The following MEX3C variants were observed in gnomAD, a reference collection of about 807,000 sequenced individuals.
MEX3C encodes RNA-binding E3 ubiquitin-protein ligase MEX3C.
Under a neutral mutation model 35.5 loss-of-function variants are expected in MEX3C, and 15 were observed. The observed-to-expected ratio is 0.42, with a 90% CI of 0.28 to 0.65. The LOEUF (loss-of-function observed/expected upper bound fraction) is 0.65, where lower values mean the gene tolerates loss of function less well. Ranked by LOEUF, MEX3C falls within the 30% of genes least tolerant of loss-of-function variation. MEX3C has a pLI of 0.20. For synonymous variants in MEX3C, 390 were observed against 352.8 expected (o/e 1.11, Z -1.18); for missense variants, 711 against 842.8 (o/e 0.84, Z 1.94).
chr18:51,186,570 G>A (rs561092605), intron 1 of MEX3C, among the ~76,000 whole-genome samples: 2 of 152,280 alleles, frequency 1.3e-5, no homozygotes, highest in East Asian at 3.9e-4. Flanking sequence ...AGGGAATTTC[G>A]ACTTTATCGT....
At chr18:51,184,522 C>A (rs1912494164) in intron 1 of MEX3C, among the ~76,000 whole-genome samples, 1 of 152,098 alleles carries the variant, frequency 6.6e-6, no homozygotes, top group Non-Finnish European at 1.5e-5. Context: ...TTATTCAATA[C>A]CCTACAAGAC....
Position 51,177,059 on chromosome 18 carries a change from C to G in MEX3C, c.1272G>C (p.Ala424=). ...VSFEGGTLGS[A]WLSSNPVPPS... The stretch of plus-strand genomic sequence containing the variant: ...GAGGAACAGGATTGGAGGAGAGCCA[C>G]GCAGAGCCAAGAGTGCCACCTTCAA... Residue 424 remains alanine (A), a synonymous_variant, in exon 2 of 2, where the codon GCG becomes GCC. Coordinates refer to ENST00000406189, the MANE Select transcript of MEX3C (RefSeq NM_016626.5). This position sits in a 1 kb window ranked among gnomAD's most constrained non-coding sequence, Gnocchi z 4.2. 3 of 1,613,946 alleles carry G rather than the reference C, an allele frequency of 1.9e-6. No individual in the cohort carries two copies. Among genetic ancestry groups the G allele is most frequent in the South Asian group, 1.1e-5 (1 of 91,082 alleles).
Position 51,196,552 on chromosome 18 carries a change from C to G in MEX3C, c.754+15G>C. The G allele has an allele frequency of 6.4e-7, 1 of 1,565,194 alleles. No homozygotes were observed. The highest frequency in any genetic ancestry group is 8.6e-7 in the Non-Finnish European group (1 of 1,163,298). On this transcript the variant is annotated intron_variant, in intron 1 of 1. Transcript: ENST00000406189. Reference sequence around the variant, plus strand: ...GGGGCCATGCCCAGCTGGACCTCCCCACCCCTGCACTCACCCTGGCGGCCG... The same window carrying G: ...GGGGCCATGCCCAGCTGGACCTCCCGACCCCTGCACTCACCCTGGCGGCCG...
At chr18:51,178,835 G>A (rs1257767593) in intron 1 of MEX3C, among the ~76,000 whole-genome samples, 1 of 150,124 alleles carries the variant, frequency 6.7e-6, no homozygotes, top group Non-Finnish European at 1.5e-5. Context: ...ACTCCAGCCT[G>A]GGCAACAAGA....
chr18:51,190,611 C>A (rs1189264259), intron 1 of MEX3C, among the ~76,000 whole-genome samples: 1 of 152,162 alleles, frequency 6.6e-6, no homozygotes, highest in Admixed American at 6.5e-5. Flanking sequence ...ACTTACCGGA[C>A]AAGGGCAACA....
Position 51,176,435 on chromosome 18 carries a change from A to T in MEX3C, c.1896T>A (p.Cys632Ter). ...TTCTCTTTTCACAGATCTTGTTGGC[A>T]CATTCCATGCAGAAGAGGTTGTGGC... ...PCGHNLFCME[C>*]ANKICEKRTP... Residue 632 changes from cysteine (C) to a stop codon, truncating the protein, a stop_gained, in exon 2 of 2, where the codon TGT (cysteine) becomes TGA (stop). Coordinates refer to ENST00000406189, the MANE Select transcript of MEX3C (RefSeq NM_016626.5). LOFTEE classifies it high-confidence loss of function. 1 of 1,614,048 alleles carries T rather than the reference A, an allele frequency of 6.2e-7. No homozygotes were observed. Among genetic ancestry groups the T allele is most frequent in the Non-Finnish European group, 8.5e-7 (1 of 1,179,900 alleles).
chr18:51,187,207 A>G (rs1912559575), intron 1 of MEX3C, among the ~76,000 whole-genome samples: 1 of 152,192 alleles, frequency 6.6e-6, no homozygotes, highest in South Asian at 2.1e-4. Context: ...CCCTCCTAGT[A>G]TTCCTTTTCC....
chr18:51,196,701 G>C lies in MEX3C; in HGVS notation c.620C>G (p.Pro207Arg). Residue 207 changes from proline to arginine, a missense_variant, in exon 1 of 2, where the codon CCC becomes CGC. Pro to Arg is a moderately radical substitution (Grantham distance 103, BLOSUM62 -2). Around this residue, in one of 4 missense-constraint regions of MEX3C, gnomAD observed 354 missense variants for 311.6 expected, o/e 1.14. Coordinates refer to ENST00000406189, the MANE Select transcript of MEX3C (RefSeq NM_016626.5). ...MAAMLSHAYG[P>R]GGCGAAAAAL... is the part of the protein sequence containing the mutation. ...GGCCGCCGCCGCCCCACAACCGCCG[G>C]GGCCGTAGGCGTGGGACAGCATCGC... is the stretch of plus-strand genomic sequence containing the variant. 7.1e-6 allele frequency: 11 copies of C among 1,540,606 alleles called. No homozygotes were observed. Among genetic ancestry groups the C allele is most frequent in the Non-Finnish European group, 9.6e-6 (11 of 1,148,320 alleles).
At chr18:51,196,505 T>C (rs1038620603) in intron 1 of MEX3C, 62 bp downstream of exon 1, 2 of 1,515,494 alleles carry the variant, frequency 1.3e-6, no homozygotes, top group African/African-American at 2.8e-5. Context: ...CGCTCCTTTC[T>C]CTCGTCTCCC....
chr18:51,197,140 T>G lies in MEX3C; in HGVS notation c.181A>C (p.Ser61Arg), dbSNP rs1912827482. 9.3e-7 allele frequency: 1 copy of G among 1,078,812 alleles called. No homozygotes were observed. Among genetic ancestry groups the G allele is most frequent in the African/African-American group, 1.7e-5 (1 of 58,536 alleles). 66.8% of individuals were successfully genotyped at this position (1,078,812 alleles called of 1,614,324 possible). ...RLAALGLDDP[S>R]PAEPGAPALR... Reference sequence around the variant, plus strand: ...GCCGGGGCGCCGGGCTCCGCCGGGCTGGGGTCGTCGAGGCCTAGCGCGGCC... The same window carrying G: ...GCCGGGGCGCCGGGCTCCGCCGGGCGGGGGTCGTCGAGGCCTAGCGCGGCC... Residue 61 changes from serine (S) to arginine (R), a missense_variant, in exon 1 of 2, where the codon AGC becomes CGC. Physicochemically the swap from Ser to Arg is moderately radical, Grantham distance 110. Transcript: ENST00000406189.
chr18:51,192,387 T>C (rs966112224), intron 1 of MEX3C, among the ~76,000 whole-genome samples: 17 of 152,138 alleles, frequency 1.1e-4, no homozygotes, highest in Non-Finnish European at 2.1e-4. Flanking sequence ...GAAATTTAAA[T>C]TTTAAAGCCT....
At chr18:51,185,200 T>C (rs1009205890) in intron 1 of MEX3C, among the ~76,000 whole-genome samples, 4 of 152,244 alleles carry the variant, frequency 2.6e-5, no homozygotes, top group African/African-American at 9.6e-5. Context: ...ATGCAGGTTG[T>C]TGGCAGAATT....
rs193274129 is a variant in MEX3C, at chr18:51,189,008, T to C, written c.754+7559A>G. On this transcript the variant is annotated intron_variant, in intron 1 of 1. Transcript: ENST00000406189. ...GGCACGTTGAAGTCTCAAACAATAA[T>C]GGCTTGAGACCTTGGATAAGTTGTT... Among the ~76,000 whole-genome samples the C allele has an allele frequency of 1.6e-3, 238 of 152,328 alleles. 1 individual carries two copies. The highest frequency in any genetic ancestry group is 6.8e-3 in the Middle Eastern group (2 of 294).
intron 1 of MEX3C, among the ~76,000 whole-genome samples, chr18:51,188,470 C>T (rs1912584627): frequency 6.6e-6 from 1 of 151,812 alleles, no homozygotes; most frequent in African/African-American, 2.4e-5. Context: ...AAAAACTAGC[C>T]AGGCGTGGTG....
chr18:51,185,290 C>A (rs1410455059), intron 1 of MEX3C, among the ~76,000 whole-genome samples: 1 of 152,218 alleles, frequency 6.6e-6, no homozygotes, highest in Non-Finnish European at 1.5e-5. Context: ...AGGCCACCTA[C>A]ATTCCCTGGC....
At chr18:51,196,487 C>G in intron 1 of MEX3C, 80 bp downstream of exon 1, 1 of 1,496,908 alleles carries the variant, frequency 6.7e-7, no homozygotes, top group Middle Eastern at 2.4e-4. Context: ...TTCGCCTTTT[C>G]CGTCCCACGC....
intron 1 of MEX3C, chr18:51,195,111 G>A (rs1345927165): frequency 6.6e-6 from 1 of 152,154 alleles, no homozygotes; most frequent in Non-Finnish European, 1.5e-5. Flanking sequence ...TACAAGCTTG[G>A]TACATAGCGA....
chr18:51,179,215 G>C (rs1912372075), intron 1 of MEX3C, among the ~76,000 whole-genome samples: 1 of 152,052 alleles, frequency 6.6e-6, no homozygotes, highest in Non-Finnish European at 1.5e-5. Context: ...ACGTTGGTCA[G>C]GCTGGTCTTG....
At chr18:51,180,516 C>T (rs967263429) in intron 1 of MEX3C, among the ~76,000 whole-genome samples, 2 of 152,080 alleles carry the variant, frequency 1.3e-5, no homozygotes, top group East Asian at 1.9e-4. Flanking sequence ...GAGTCTCTGT[C>T]GCCCAGGTTG....
Sources: allele counts gnomAD v4.1 joint callset (sites outside exome capture counted in the v4.1 genomes callset), GRCh38; gene constraint gnomAD v4.1.1; regional missense constraint gnomAD v4.1.1; non-coding constraint Gnocchi (gnomAD v3.1); transcripts MANE v1.5; gene names NCBI Gene and HGNC (gene_info 2026-07-23, HGNC 2026-07-21).